TENM4: variants seen among roughly 807,000 people sequenced by gnomAD.
TENM4 encodes teneurin-4.
In TENM4, 82 loss-of-function variants were observed where a neutral mutation model predicts 243.3. The observed-to-expected ratio is 0.34, with a 90% confidence interval of 0.28 to 0.40. The LOEUF (loss-of-function observed/expected upper bound fraction) is 0.40. Ranked by LOEUF, TENM4 falls within the 10% of genes least tolerant of loss-of-function variation. The pLI is 1.00. For missense variants in TENM4, 3,138 were observed against 3,673.3 expected (o/e 0.85, Z 3.77); for synonymous variants, 1,412 against 1,456.3 (o/e 0.97, Z 0.69).
At chr11:78,816,270 C>T (rs1048905439) in intron 12 of TENM4, among the ~76,000 whole-genome samples, 2 of 152,186 alleles carry the variant, frequency 1.3e-5, no homozygotes, top group Non-Finnish European at 2.9e-5. Flanking sequence ...GTAGAAAATC[C>T]CTTTCTCTTG....
intron 19 of TENM4, among the ~76,000 whole-genome samples, chr11:78,755,468 C>T (rs1227320729): frequency 6.6e-6 from 1 of 152,170 alleles, no homozygotes; most frequent in Non-Finnish European, 1.5e-5. Flanking sequence ...TGCGCCCAGC[C>T]TCCTCGGGCA....
At chr11:78,773,628 T>C (rs1254192374) in intron 17 of TENM4, among the ~76,000 whole-genome samples, 1 of 152,166 alleles carries the variant, frequency 6.6e-6, no homozygotes, top group African/African-American at 2.4e-5. Context: ...AGCCATATGG[T>C]CTCTTGCAAT....
intron 1 of TENM4, among the ~76,000 whole-genome samples, chr11:79,323,239 G>C (rs1043845773): frequency 2.0e-5 from 3 of 152,166 alleles, no homozygotes; most frequent in Non-Finnish European, 4.4e-5. Flanking sequence ...ATCCCAGAAG[G>C]CCTAACCCAA....
chr11:79,292,870 T>C (rs1856379989), intron 2 of TENM4, among the ~76,000 whole-genome samples: 1 of 152,238 alleles, frequency 6.6e-6, no homozygotes, highest in African/African-American at 2.4e-5. Flanking sequence ...ATAAGGCACT[T>C]AGCACTATGC....
intron 12 of TENM4, among the ~76,000 whole-genome samples, chr11:78,833,784 T>C (rs1170670456): frequency 1.4e-5 from 2 of 144,586 alleles, no homozygotes; most frequent in Non-Finnish European, 2.9e-5. Context: ...TGGCTGACGT[T>C]ATCTTTCTTT....
chr11:78,852,915 A>G (rs901797704), intron 12 of TENM4, among the ~76,000 whole-genome samples: 2 of 119,936 alleles, frequency 1.7e-5, no homozygotes, highest in African/African-American at 7.3e-5. Context: ...GCACCTGGAT[A>G]CTTTTAATAT....
At chr11:78,791,924 A>G (rs149112467) in intron 15 of TENM4, among the ~76,000 whole-genome samples, 10 of 152,244 alleles carry the variant, frequency 6.6e-5, no homozygotes, top group African/African-American at 2.4e-4. Flanking sequence ...GTCTGGGAGG[A>G]ATCTTTTGAA....
intron 6 of TENM4, among the ~76,000 whole-genome samples, chr11:78,909,430 C>T (rs1013473190): frequency 9.9e-5 from 15 of 152,210 alleles, no homozygotes; most frequent in East Asian, 3.8e-4. Context: ...CCCAGGATTT[C>T]GAAACCTTTA....
chr11:78,948,200 T>A (rs1461392328), intron 6 of TENM4, among the ~76,000 whole-genome samples: 1 of 152,130 alleles, frequency 6.6e-6, no homozygotes, highest in Non-Finnish European at 1.5e-5. Context: ...GCATAAAAAG[T>A]TTTTCTGAAT....
intron 12 of TENM4, among the ~76,000 whole-genome samples, chr11:78,849,057 A>G (rs1858467803): frequency 6.6e-6 from 1 of 152,176 alleles, no homozygotes; most frequent in African/African-American, 2.4e-5. Flanking sequence ...TTCTAAATCC[A>G]CTGCAGGGCA....
At chr11:78,793,168 A>G (rs1189362550) in intron 15 of TENM4, among the ~76,000 whole-genome samples, 2 of 152,200 alleles carry the variant, frequency 1.3e-5, no homozygotes, top group African/African-American at 2.4e-5. Flanking sequence ...TGGTAGGGGA[A>G]GCTGTGCCTT....
intron 12 of TENM4, among the ~76,000 whole-genome samples, chr11:78,839,321 T>C (rs577792529): frequency 9.2e-5 from 14 of 152,334 alleles, no homozygotes; most frequent in South Asian, 2.1e-4. Flanking sequence ...TCCTGTTTTA[T>C]AGCTCTCAAT....
At chr11:79,127,518 T>TC (rs397800710) in intron 4 of TENM4, among the ~76,000 whole-genome samples, 3 of 150,534 alleles carry the variant, frequency 2.0e-5, no homozygotes, top group Non-Finnish European at 3.0e-5. Flanking sequence ...TACTTTTTTT[T>TC]CCATTCCTGT....
chr11:79,093,478 G>A (rs1309148668), intron 4 of TENM4: 1 of 152,226 alleles, frequency 6.6e-6, no homozygotes, highest in Admixed American at 6.5e-5. Flanking sequence ...CCCACTCAAG[G>A]CACCATCCTC....
intron 6 of TENM4, among the ~76,000 whole-genome samples, chr11:79,022,377 T>G (rs2136810047): frequency 6.6e-6 from 1 of 152,268 alleles, no homozygotes; most frequent in East Asian, 1.9e-4. Flanking sequence ...TCCACAGACC[T>G]TCAAAGGATG....
intron 4 of TENM4, among the ~76,000 whole-genome samples, chr11:79,125,407 C>T (rs1212202149): frequency 2.6e-5 from 4 of 152,078 alleles, no homozygotes; most frequent in African/African-American, 9.7e-5. Context: ...TTATCTCCTG[C>T]AGGGAAAGAG....
intron 6 of TENM4, among the ~76,000 whole-genome samples, chr11:78,982,939 C>T (rs1275415732): frequency 1.3e-5 from 2 of 152,206 alleles, no homozygotes; most frequent in Non-Finnish European, 2.9e-5. Context: ...GGGCAGCTCT[C>T]GCAGTTACTG....
intron 15 of TENM4, among the ~76,000 whole-genome samples, chr11:78,802,528 T>C (rs1463851199): frequency 6.6e-6 from 1 of 152,234 alleles, no homozygotes; most frequent in Non-Finnish European, 1.5e-5. Context: ...AAGTGACAGC[T>C]GAGGAGGAAC....
At chr11:78,849,079 C>G (rs772445234) in intron 12 of TENM4, among the ~76,000 whole-genome samples, 4 of 152,194 alleles carry the variant, frequency 2.6e-5, no homozygotes, top group Non-Finnish European at 4.4e-5. Context: ...CTCTGTTATG[C>G]TCCAGCCTGG....
Sources: allele counts gnomAD v4.1 joint callset (sites outside exome capture counted in the v4.1 genomes callset), GRCh38; gene constraint gnomAD v4.1.1; transcripts MANE v1.5; gene names NCBI Gene and HGNC (gene_info 2026-07-23, HGNC 2026-07-21).